TMTC4: variants seen among roughly 807,000 people sequenced by gnomAD.
TMTC4 encodes the protein protein O-mannosyl-transferase TMTC4.
In TMTC4, 65 loss-of-function variants were observed where a neutral mutation model predicts 86.0. That is an observed-to-expected ratio of 0.76 (90% CI 0.62 to 0.93). TMTC4 has a LOEUF of 0.93. Ranked by LOEUF, TMTC4 falls within the 40% of genes least tolerant of loss-of-function variation. The probability of loss-of-function intolerance (pLI) is 0.00; values close to 1 mark genes in which losing one functional copy is unlikely to be tolerated. For synonymous variants in TMTC4, 379 were observed against 382.5 expected (o/e 0.99, Z 0.11); for missense variants, 866 against 948.1 (o/e 0.91, Z 1.14).
At chr13:100,674,660 A>G (rs1220021246) in intron 1 of TMTC4, 84 bp downstream of exon 1, 1 of 981,788 alleles carries the variant, frequency 1.0e-6, no homozygotes, top group Non-Finnish European at 1.2e-6. Context: ...ACACGGCGGC[A>G]GCGGGGAACC....
chr13:100,626,968 C>T (rs769788026), intron 12 of TMTC4, among the ~76,000 whole-genome samples: 6 of 152,092 alleles, frequency 3.9e-5, no homozygotes, highest in Non-Finnish European at 7.4e-5. Context: ...TCAAAAAGGC[C>T]CTGGAGAGCT....
At chr13:100,614,053 G>A (rs1198590457) in intron 16 of TMTC4, among the ~76,000 whole-genome samples, 1 of 151,822 alleles carries the variant, frequency 6.6e-6, no homozygotes, top group East Asian at 1.9e-4. Flanking sequence ...TGGTCAGGCT[G>A]GTCTCGAACT....
intron 12 of TMTC4, among the ~76,000 whole-genome samples, chr13:100,630,948 A>C (rs1881275745): frequency 6.6e-6 from 1 of 152,244 alleles, no homozygotes; most frequent in South Asian, 2.1e-4. Context: ...CCTAGAGGCC[A>C]GCTTTATCCT....
At chr13:100,668,849 T>C (rs1043711340) in intron 2 of TMTC4, 55 bp from the exon 3 acceptor site, 2 of 1,546,946 alleles carry the variant, frequency 1.3e-6, no homozygotes, top group Non-Finnish European at 8.9e-7. Context: ...GGACCGTTTC[T>C]GCAGTGGGCA....
At chr13:100,614,969 TA>T (rs1878243436) in intron 15 of TMTC4, 2 of 984,474 alleles carry the variant, frequency 2.0e-6, no homozygotes, top group African/African-American at 3.5e-5. Context: ...TGCCTGTGTC[TA>T]AAGTAAATAT....
intron 12 of TMTC4, among the ~76,000 whole-genome samples, chr13:100,634,132 C>T (rs944962892): frequency 2.7e-5 from 4 of 149,898 alleles, no homozygotes; most frequent in East Asian, 1.9e-4. Flanking sequence ...AGAGAAAGAC[C>T]CAGTCTCAAA....
rs978028760 is a variant in TMTC4, at chr13:100,625,823, C to T, written c.1656G>A (p.Gln552=). 2 of 1,613,834 alleles carry T rather than the reference C, an allele frequency of 1.2e-6. No homozygotes were observed. Among genetic ancestry groups the T allele is most frequent in the South Asian group, 2.2e-5 (2 of 91,028 alleles). ...CCAAAGACAGCAGCTCCTCAGCTTC[C>T]TGTAGCTCATTCCTTTCTTTTAAGA... is the stretch of plus-strand genomic sequence containing the variant. ...GNILKERNEL[Q]EAEELLSLAV... is the part of the protein sequence containing the mutation. The change falls in exon 14 of 19, where the codon CAG becomes CAA. Residue 552 remains glutamine (Q), a synonymous_variant. Coordinates refer to ENST00000342624, the MANE Select transcript of TMTC4 (RefSeq NM_032813.5).
chr13:100,628,262 C>T (rs1566585928), intron 12 of TMTC4, among the ~76,000 whole-genome samples: 1 of 152,216 alleles, frequency 6.6e-6, no homozygotes, highest in Admixed American at 6.5e-5. Flanking sequence ...GCATTTGACT[C>T]CCACGTGCCT....
chr13:100,622,596 G>A (rs1362308628), intron 15 of TMTC4, among the ~76,000 whole-genome samples: 3 of 152,054 alleles, frequency 2.0e-5, no homozygotes, highest in East Asian at 1.9e-4. Context: ...TTTGTCTGCT[G>A]CCATGTAAGA....
At chr13:100,623,501 G>C (rs773294905) in intron 15 of TMTC4, among the ~76,000 whole-genome samples, 1 of 152,184 alleles carries the variant, frequency 6.6e-6, no homozygotes, top group Admixed American at 6.5e-5. Flanking sequence ...CCAAAGTGCC[G>C]GGATTACAGG....
At chr13:100,657,762 C>T (rs376448357) in intron 5 of TMTC4, among the ~76,000 whole-genome samples, 16 of 152,122 alleles carry the variant, frequency 1.1e-4, no homozygotes, top group Admixed American at 8.5e-4. Context: ...ACACTGACTA[C>T]GAAATTACTA....
chr13:100,663,068 CA>C lies in TMTC4; in HGVS notation c.447del (p.Phe149LeufsTer80). 5 of 1,614,200 alleles carry C rather than the reference CA, an allele frequency of 3.1e-6. No homozygotes were observed. Among genetic ancestry groups the C allele is most frequent in the Non-Finnish European group, 4.2e-6 (5 of 1,180,036 alleles). ...VLMVDVFSVL[F>X]GGLQYTSKGR... ...CCTTTACTGGTGTACTGCAGGCCGCCAAACAGAACCGAGAAGACGTCCACCA... is the reference window on the plus strand; with the variant it reads ...CCTTTACTGGTGTACTGCAGGCCGCCAACAGAACCGAGAAGACGTCCACCA... On this transcript the variant is annotated frameshift_variant, in exon 5 of 19. Transcript: ENST00000342624. LOFTEE classifies it high-confidence loss of function.
chr13:100,662,381 G>A (rs1331766633), intron 5 of TMTC4, among the ~76,000 whole-genome samples: 4 of 151,714 alleles, frequency 2.6e-5, no homozygotes, highest in Non-Finnish European at 5.9e-5. Context: ...AGTCCTGCCC[G>A]ACATCCACTT....
chr13:100,648,237 C>T (rs1232214978), intron 6 of TMTC4, among the ~76,000 whole-genome samples: 2 of 151,994 alleles, frequency 1.3e-5, no homozygotes, highest in Non-Finnish European at 2.9e-5. Context: ...AGAAAGTAAT[C>T]ATTACAGCTA....
At chr13:100,632,053 ACT>A (rs67759381) in intron 12 of TMTC4, among the ~76,000 whole-genome samples, 1,166 of 42,714 alleles carry the variant, frequency 0.027, 7 homozygotes, top group Middle Eastern at 0.069. Flanking sequence ...ACACACACAC[ACT>A]CTCTCTCTCT....
chr13:100,654,131 C>A (rs1208611171), intron 6 of TMTC4, among the ~76,000 whole-genome samples: 1 of 152,172 alleles, frequency 6.6e-6, no homozygotes, highest in Non-Finnish European at 1.5e-5. Flanking sequence ...CTTCCCAGTC[C>A]ACCTATCTGT....
At chr13:100,655,082 C>T (rs1046839271) in intron 6 of TMTC4, among the ~76,000 whole-genome samples, 11 of 137,720 alleles carry the variant, frequency 8.0e-5, no homozygotes, top group African/African-American at 2.7e-4. Flanking sequence ...AGTGCAGTGG[C>T]GCAATCTCGG....
chr13:100,610,289 G>A (rs538168841), intron 17 of TMTC4, among the ~76,000 whole-genome samples: 4 of 152,288 alleles, frequency 2.6e-5, no homozygotes, highest in Non-Finnish European at 4.4e-5. Context: ...AGTGCTCTGC[G>A]AGGAAACACG....
intron 4 of TMTC4, 150 bp from the exon 5 acceptor site, chr13:100,663,330 T>C (rs1437609382): frequency 8.3e-6 from 6 of 721,368 alleles, no homozygotes; most frequent in South Asian, 1.6e-5. Context: ...TCAAGATAAA[T>C]AATGCCTGTC....
Sources: gnomAD v4.1 joint callset for allele counts (sites outside exome capture counted in the v4.1 genomes callset) on GRCh38, gnomAD v4.1.1 for gene constraint, MANE v1.5 for transcripts, NCBI Gene and HGNC (gene_info 2026-07-23, HGNC 2026-07-21) for gene names.